UBE2G1: variants seen among roughly 807,000 people sequenced by gnomAD.
The protein encoded by UBE2G1 is ubiquitin conjugating enzyme E2 G1.
In UBE2G1, 5 loss-of-function variants were observed where a neutral mutation model predicts 22.7. That is an observed-to-expected ratio of 0.22 (90% CI 0.12 to 0.46). The LOEUF (loss-of-function observed/expected upper bound fraction) is 0.46. Among genes scored for constraint, UBE2G1 ranks in the 20% least tolerant of loss-of-function variants. The pLI is 0.99. For missense variants in UBE2G1, 88 were observed against 203.9 expected (o/e 0.43, Z 3.46); for synonymous variants, 74 against 67.5 (o/e 1.10, Z -0.47).
Position 4,269,576 on chromosome 17 carries a change from T to TA in UBE2G1, c.*2977dup, listed in dbSNP as rs1286250010. On this transcript the variant is annotated 3_prime_UTR_variant, in exon 6 of 6. Coordinates refer to ENST00000396981, the MANE Select transcript of UBE2G1 (RefSeq NM_003342.5). ...TCTCACAACCAAGAATGAAGGCCGT[T>TA]AAAGATACTGACACCCACGTGATCA... 4 of 186,172 alleles carry TA rather than the reference T, an allele frequency of 2.1e-5. No individual in the cohort carries two copies. The highest frequency in any genetic ancestry group is 1.7e-4 in the Admixed American group (4 of 23,626). 11.5% of individuals were successfully genotyped at this position (186,172 alleles called of 1,614,324 possible). A position where few individuals can be genotyped will look rare whatever the true frequency, so the allele number is the denominator to read the frequency against.
At chr17:4,350,902 A>G (rs112233842) in intron 1 of UBE2G1, among the ~76,000 whole-genome samples, 6 of 151,756 alleles carry the variant, frequency 4.0e-5, no homozygotes, top group African/African-American at 9.7e-5. Context: ...GCATGGTGGC[A>G]GGCGCCTGTA....
Position 4,312,847 on chromosome 17 carries a change from A to G in UBE2G1, c.47-5724T>C, listed in dbSNP as rs1190757692. Among the ~76,000 whole-genome samples, 3 of 152,210 alleles carry G rather than the reference A, an allele frequency of 2.0e-5. No homozygotes were observed. In the East Asian group the frequency reaches 5.8e-4, roughly 29 times the overall value. ...CAGTCCACTGGATTCAATTAAAAAAAAAAGGCCACAGTTGCCCTCGGCATA... is the reference window on the plus strand; with the variant it reads ...CAGTCCACTGGATTCAATTAAAAAAGAAAGGCCACAGTTGCCCTCGGCATA... On this transcript the variant is annotated intron_variant, in intron 1 of 5. Coordinates refer to ENST00000396981, the MANE Select transcript of UBE2G1 (RefSeq NM_003342.5).
At chr17:4,363,504 G>A (rs1567532865) in intron 1 of UBE2G1, among the ~76,000 whole-genome samples, 1 of 152,078 alleles carries the variant, frequency 6.6e-6, no homozygotes, top group South Asian at 2.1e-4. Context: ...AGTGCAAAAC[G>A]GAACCAGATG....
chr17:4,362,786 T>C (rs992986551), intron 1 of UBE2G1, among the ~76,000 whole-genome samples: 2 of 152,124 alleles, frequency 1.3e-5, no homozygotes, highest in African/African-American at 4.8e-5. Flanking sequence ...CGCTTGAACC[T>C]GGGAGGCGGA....
At chr17:4,325,456 A>G (rs1341412888) in intron 1 of UBE2G1, among the ~76,000 whole-genome samples, 3 of 152,250 alleles carry the variant, frequency 2.0e-5, no homozygotes, top group African/African-American at 7.2e-5. Context: ...ACTATTCTGT[A>G]TAAGTGAATA....
chr17:4,353,105 G>A (rs9674701), intron 1 of UBE2G1, among the ~76,000 whole-genome samples: 5,374 of 151,954 alleles, frequency 0.035, 339 homozygotes, highest in African/African-American at 0.12. Flanking sequence ...GTAGTCCCAC[G>A]TACCCAGGAG....
At chr17:4,353,300 A>C (rs969865650) in intron 1 of UBE2G1, among the ~76,000 whole-genome samples, 3 of 152,248 alleles carry the variant, frequency 2.0e-5, no homozygotes, top group East Asian at 3.9e-4. Context: ...AACAAGTGTC[A>C]CTTGCTTAAA....
chr17:4,318,387 C>A (rs577621365), intron 1 of UBE2G1, among the ~76,000 whole-genome samples: 1 of 152,216 alleles, frequency 6.6e-6, no homozygotes, highest in African/African-American at 2.4e-5. Flanking sequence ...TACCCCAAGG[C>A]CACAGGAGGG....
intron 1 of UBE2G1, among the ~76,000 whole-genome samples, chr17:4,322,693 G>C (rs1296097171): frequency 6.6e-6 from 1 of 152,132 alleles, no homozygotes; most frequent in Non-Finnish European, 1.5e-5. Flanking sequence ...TGGAAGTAAT[G>C]CATTTATTTA....
chr17:4,290,437 T>G (rs1223490097), intron 3 of UBE2G1, among the ~76,000 whole-genome samples: 1 of 152,194 alleles, frequency 6.6e-6, no homozygotes, highest in African/African-American at 2.4e-5. Context: ...GCTCTCTTAA[T>G]TCAACAAATT....
chr17:4,357,961 A>G (rs895943070), intron 1 of UBE2G1, among the ~76,000 whole-genome samples: 3 of 152,184 alleles, frequency 2.0e-5, no homozygotes, highest in Middle Eastern at 3.4e-3. Context: ...TTTAAAAGAT[A>G]TATGTAGACA....
At chr17:4,311,997 G>A (rs1442933265) in intron 1 of UBE2G1, among the ~76,000 whole-genome samples, 2 of 148,734 alleles carry the variant, frequency 1.3e-5, no homozygotes, top group Non-Finnish European at 1.5e-5. Context: ...CTGTAATCCC[G>A]ACACTTTGGG....
intron 1 of UBE2G1, among the ~76,000 whole-genome samples, chr17:4,310,289 G>A (rs554516225): frequency 1.3e-5 from 2 of 151,892 alleles, no homozygotes; most frequent in East Asian, 1.9e-4. Flanking sequence ...GACCAACATC[G>A]GCTCCTGATC....
At chr17:4,305,581 C>T (rs1436210700) in intron 2 of UBE2G1, among the ~76,000 whole-genome samples, 2 of 152,192 alleles carry the variant, frequency 1.3e-5, no homozygotes, top group Non-Finnish European at 2.9e-5. Flanking sequence ...CTCGCTCTGT[C>T]ACCAGGCTGG....
chr17:4,276,425 C>T (rs1968822393), intron 5 of UBE2G1, among the ~76,000 whole-genome samples: 1 of 152,110 alleles, frequency 6.6e-6, no homozygotes, highest in South Asian at 2.1e-4. Flanking sequence ...TCCCAAAGTG[C>T]TGGGATTACA....
chr17:4,276,917 G>GACCA (rs1406773482), intron 5 of UBE2G1, among the ~76,000 whole-genome samples: 2 of 152,230 alleles, frequency 1.3e-5, no homozygotes, highest in African/African-American at 4.8e-5. Flanking sequence ...AGAGCCAGTT[G>GACCA]ACCAAGCCTT....
chr17:4,365,350 T>C (rs1470137818), intron 1 of UBE2G1, among the ~76,000 whole-genome samples: 1 of 152,178 alleles, frequency 6.6e-6, no homozygotes, highest in Non-Finnish European at 1.5e-5. Flanking sequence ...ACGTCTCCAC[T>C]GCGCATGCTC....
At chr17:4,290,423 C>T (rs889844361) in intron 3 of UBE2G1, among the ~76,000 whole-genome samples, 1 of 152,140 alleles carries the variant, frequency 6.6e-6, no homozygotes, top group East Asian at 1.9e-4. Context: ...CAATCAATAT[C>T]ATTGCTCTCT....
chr17:4,349,063 C>T lies in UBE2G1; in HGVS notation c.46+17208G>A, dbSNP rs186371256. Reference sequence around the variant, plus strand: ...TTAGGCTGGGCGAGGTGGCTCACGCCTGTAATCTCAGCACTTTGGGAGGCC... The same window carrying T: ...TTAGGCTGGGCGAGGTGGCTCACGCTTGTAATCTCAGCACTTTGGGAGGCC... On this transcript the variant is annotated intron_variant, in intron 1 of 5. Coordinates refer to ENST00000396981, the MANE Select transcript of UBE2G1 (RefSeq NM_003342.5). Among the ~76,000 whole-genome samples, 347 of 152,194 alleles carry T rather than the reference C, an allele frequency of 2.3e-3. 1 individual carries two copies. Among genetic ancestry groups the T allele is most frequent in the African/African-American group, 7.8e-3 (322 of 41,536 alleles).
Sources: gnomAD v4.1 joint callset for allele counts (sites outside exome capture counted in the v4.1 genomes callset) on GRCh38, gnomAD v4.1.1 for gene constraint, MANE v1.5 for transcripts, NCBI Gene and HGNC (gene_info 2026-07-23, HGNC 2026-07-21) for gene names.